The following MTDH variants were observed in gnomAD, a reference collection of about 807,000 sequenced individuals.
MTDH encodes the protein protein LYRIC.
Under a neutral mutation model 72.7 loss-of-function variants are expected in MTDH, and 34 were observed. The ratio of observed to expected loss-of-function variants is 0.47; its 90% CI spans 0.36 to 0.62. The LOEUF (loss-of-function observed/expected upper bound fraction) is 0.62, where lower values mean the gene tolerates loss of function less well. MTDH is among the 20% of genes least tolerant of loss of function. The probability of loss-of-function intolerance (pLI) is 0.00; values close to 1 mark genes in which losing one functional copy is unlikely to be tolerated. For synonymous variants in MTDH, 266 were observed against 268.9 expected (o/e 0.99, Z 0.10); for missense variants, 677 against 699.4 (o/e 0.97, Z 0.36).
rs543118880 is a variant in MTDH at position 97,668,850 on chromosome 8, C to T, written c.483+7677C>T. 2.6e-5 allele frequency among the ~76,000 whole-genome samples: 4 copies of T among 151,856 alleles called. No homozygotes were observed. The East Asian group carries it at 5.9e-4, about 22-fold the overall frequency. On this transcript the variant is annotated intron_variant, in intron 2 of 11. Transcript: ENST00000336273. ...GATTACAGGCATGAGCCACCGCGCCCGGCCATGTAACAACTTTTATAAAGT... is the reference window on the plus strand; with the variant it reads ...GATTACAGGCATGAGCCACCGCGCCTGGCCATGTAACAACTTTTATAAAGT...
chr8:97,674,184 G>A (rs1297641445), intron 2 of MTDH, among the ~76,000 whole-genome samples: 1 of 152,098 alleles, frequency 6.6e-6, no homozygotes, highest in African/African-American at 2.4e-5. Context: ...AAAAAATCAA[G>A]CACGGTAAGG....
At chr8:97,669,704 G>A (rs1812534835) in intron 2 of MTDH, among the ~76,000 whole-genome samples, 2 of 151,662 alleles carry the variant, frequency 1.3e-5, no homozygotes, top group Non-Finnish European at 2.9e-5. Context: ...ACCATTTGAG[G>A]TCAGGAGTTC....
chr8:97,719,809 A>G (rs1429341216), intron 10 of MTDH, among the ~76,000 whole-genome samples: 1 of 152,164 alleles, frequency 6.6e-6, no homozygotes, highest in Non-Finnish European at 1.5e-5. Flanking sequence ...TTCCCCCAAT[A>G]TATGTACATA....
intron 6 of MTDH, 119 bp from the exon 7 acceptor site, chr8:97,699,635 T>C (rs961976459): frequency 1.6e-6 from 1 of 612,936 alleles, no homozygotes; most frequent in Admixed American, 2.9e-5. Context: ...ATGTCTGAAT[T>C]TTTCCTTTTA....
rs894134727 is a variant in MTDH at position 97,674,590 on chromosome 8, G to T, written c.484-12078G>T. 3.3e-5 allele frequency among the ~76,000 whole-genome samples: 5 copies of T among 152,278 alleles called. No individual in the cohort carries two copies. In the East Asian group the frequency reaches 7.7e-4, roughly 23 times the overall value. ...CTAAAGTAGGAACTTGCCATATTTGGCCAGAAAGTGGGTGAAATTGACTCT... is the reference window on the plus strand; with the variant it reads ...CTAAAGTAGGAACTTGCCATATTTGTCCAGAAAGTGGGTGAAATTGACTCT... On this transcript the variant is annotated intron_variant, in intron 2 of 11. Coordinates refer to ENST00000336273, the MANE Select transcript of MTDH (RefSeq NM_178812.4).
intron 1 of MTDH, among the ~76,000 whole-genome samples, chr8:97,654,756 C>T (rs908271999): frequency 6.6e-6 from 1 of 152,084 alleles, no homozygotes; most frequent in African/African-American, 2.4e-5. Flanking sequence ...TATATATACA[C>T]ACACACACAC....
intron 9 of MTDH, among the ~76,000 whole-genome samples, chr8:97,716,254 C>T (rs1171588309): frequency 1.3e-5 from 2 of 151,928 alleles, no homozygotes; most frequent in Admixed American, 6.6e-5. Flanking sequence ...GGCATGGTTG[C>T]ATGCACCTGT....
At chr8:97,645,761 G>A (rs917793991) in intron 1 of MTDH, among the ~76,000 whole-genome samples, 15 of 152,126 alleles carry the variant, frequency 9.9e-5, no homozygotes, top group African/African-American at 3.6e-4. Context: ...CATTCCCATG[G>A]TTCTCCCATT....
intron 6 of MTDH, among the ~76,000 whole-genome samples, chr8:97,699,234 G>A (rs1563555726): frequency 6.6e-6 from 1 of 152,094 alleles, no homozygotes; most frequent in Non-Finnish European, 1.5e-5. Flanking sequence ...ATTGCAGTGA[G>A]CCGAGACTGT....
At chr8:97,690,283 C>T (rs565245407) in intron 5 of MTDH, among the ~76,000 whole-genome samples, 1 of 152,262 alleles carries the variant, frequency 6.6e-6, no homozygotes, top group East Asian at 1.9e-4. Context: ...TGAGCCACTG[C>T]GCCCAGCCTC....
At chr8:97,661,334 G>T (rs1812165886) in intron 2 of MTDH, among the ~76,000 whole-genome samples, 161 bp downstream of exon 2, 1 of 152,120 alleles carries the variant, frequency 6.6e-6, no homozygotes, top group African/African-American at 2.4e-5. Flanking sequence ...AAGTTTAACT[G>T]AGTTGTTTTT....
intron 7 of MTDH, among the ~76,000 whole-genome samples, chr8:97,702,367 T>C (rs1020576318): frequency 6.6e-6 from 1 of 152,244 alleles, no homozygotes; most frequent in African/African-American, 2.4e-5. Context: ...CCTTTGCCCA[T>C]ATGCAGGTTA....
chr8:97,722,699 A>C (rs1815176884), intron 10 of MTDH, among the ~76,000 whole-genome samples, 180 bp from the exon 11 acceptor site: 1 of 152,222 alleles, frequency 6.6e-6, no homozygotes, highest in South Asian at 2.1e-4. Context: ...ATATTCATAA[A>C]TGTTGTAGGT....
chr8:97,652,071 T>C (rs1811793515), intron 1 of MTDH, among the ~76,000 whole-genome samples: 1 of 152,170 alleles, frequency 6.6e-6, no homozygotes, highest in South Asian at 2.1e-4. Flanking sequence ...TCACCTTAGC[T>C]CCCCTAACCT....
intron 1 of MTDH, among the ~76,000 whole-genome samples, chr8:97,649,289 C>G (rs1202216240): frequency 6.6e-6 from 1 of 152,124 alleles, no homozygotes; most frequent in African/African-American, 2.4e-5. Context: ...GACTTTATTA[C>G]CTTTTGTTTA....
At chr8:97,695,594 AAG>A (rs1813804180) in intron 6 of MTDH, among the ~76,000 whole-genome samples, 2 of 152,212 alleles carry the variant, frequency 1.3e-5, no homozygotes, top group Non-Finnish European at 2.9e-5. Context: ...GGTCACTGGA[AAG>A]AGACAGATGT....
intron 8 of MTDH, among the ~76,000 whole-genome samples, chr8:97,711,226 G>A (rs564567895): frequency 2.0e-4 from 30 of 151,772 alleles, no homozygotes; most frequent in Middle Eastern, 6.8e-3. Flanking sequence ...GGCCAGGCAC[G>A]GTGGCTCACG....
At chr8:97,707,642 T>A (rs1256345898) in intron 8 of MTDH, among the ~76,000 whole-genome samples, 1 of 152,010 alleles carries the variant, frequency 6.6e-6, no homozygotes, top group East Asian at 1.9e-4. Context: ...ATAGATGATA[T>A]GGAAATGAAT....
intron 2 of MTDH, among the ~76,000 whole-genome samples, chr8:97,672,607 A>G (rs1812669067): frequency 6.6e-6 from 1 of 152,230 alleles, no homozygotes; most frequent in Admixed American, 6.5e-5. Flanking sequence ...GACCAGAACC[A>G]GGATTTCTGC....
Sources: allele counts gnomAD v4.1 joint callset (sites outside exome capture counted in the v4.1 genomes callset), GRCh38; gene constraint gnomAD v4.1.1; transcripts MANE v1.5; gene names NCBI Gene and HGNC (gene_info 2026-07-23, HGNC 2026-07-21).